CTNNA3: variants seen among roughly 807,000 people sequenced by gnomAD.
CTNNA3 encodes catenin alpha-3.
In CTNNA3, 76 loss-of-function variants were observed where a neutral mutation model predicts 95.7. That is an observed-to-expected ratio of 0.79 (90% CI 0.66 to 0.96). The LOEUF (loss-of-function observed/expected upper bound fraction) is 0.96. CTNNA3 is among the 40% of genes least tolerant of loss of function. CTNNA3 has a pLI of 0.00. For missense variants in CTNNA3, 1,191 were observed against 1,089.8 expected, an observed-to-expected ratio of 1.09 and a Z score of -1.31; for synonymous variants, 431 against 374.4, an observed-to-expected ratio of 1.15 and a Z score of -1.74.
intron 15 of CTNNA3, among the ~76,000 whole-genome samples, chr10:65,991,502 CT>C (rs796412270): frequency 7.3e-4 from 109 of 150,018 alleles, no homozygotes; most frequent in Non-Finnish European, 1.1e-3. Flanking sequence ...TATTCCTAGG[CT>C]TTTTTTTTGT....
intron 7 of CTNNA3, among the ~76,000 whole-genome samples, chr10:66,979,914 CTGCTT>C (rs1402632592): frequency 6.6e-6 from 1 of 152,126 alleles, no homozygotes. Flanking sequence ...TTGTTGTGTT[CTGCTT>C]TGCTTTACTT....
chr10:66,439,199 T>A (rs4603198), intron 11 of CTNNA3, among the ~76,000 whole-genome samples: 17,834 of 152,172 alleles, frequency 0.12, 1,516 homozygotes, highest in African/African-American at 0.24. Context: ...TAATTATAAC[T>A]TTATAAGATA....
intron 5 of CTNNA3, among the ~76,000 whole-genome samples, chr10:67,434,136 T>C (rs1050614620): frequency 1.3e-5 from 2 of 152,190 alleles, no homozygotes; most frequent in African/African-American, 4.8e-5. Context: ...TTTTTTAATA[T>C]ATTCCTAAAA....
intron 5 of CTNNA3, among the ~76,000 whole-genome samples, chr10:67,408,477 G>C (rs781612514): frequency 6.6e-6 from 1 of 151,842 alleles, no homozygotes; most frequent in Non-Finnish European, 1.5e-5. Flanking sequence ...CAAAAATGAG[G>C]AATGGGGAAA....
At chr10:66,765,731 T>A (rs1446793577) in intron 9 of CTNNA3, among the ~76,000 whole-genome samples, 1 of 152,086 alleles carries the variant, frequency 6.6e-6, no homozygotes, top group Non-Finnish European at 1.5e-5. Flanking sequence ...TGCATTCCCA[T>A]GTCTCTAGTT....
At chr10:66,576,367 A>G (rs1391449886) in intron 10 of CTNNA3, among the ~76,000 whole-genome samples, 1 of 152,056 alleles carries the variant, frequency 6.6e-6, no homozygotes, top group South Asian at 2.1e-4. Flanking sequence ...TTACACATAC[A>G]GGCTTGTTAC....
chr10:66,486,470 G>A (rs1334489972), intron 11 of CTNNA3, among the ~76,000 whole-genome samples: 2 of 152,004 alleles, frequency 1.3e-5, no homozygotes, highest in Non-Finnish European at 1.5e-5. Context: ...ATTAAGGAAA[G>A]GCAGATCAAA....
chr10:66,633,508 G>A lies in CTNNA3; in HGVS notation c.1282-11724C>T, dbSNP rs550438855. On this transcript the variant is annotated intron_variant, in intron 9 of 17. Transcript: ENST00000433211. ...ATCCTGGCTAACATGGTGAAACCCC[G>A]TCTCTACTAAAAATACAAAAAATTA... is the stretch of plus-strand genomic sequence containing the variant. 5.6e-3 allele frequency among the ~76,000 whole-genome samples: 856 copies of A among 151,920 alleles called. 6 individuals are homozygous for A. The highest frequency in any genetic ancestry group is 0.016 in the African/African-American group (674 of 41,434).
intron 5 of CTNNA3, among the ~76,000 whole-genome samples, chr10:67,395,923 A>G (rs1844690170): frequency 6.6e-6 from 1 of 152,164 alleles, no homozygotes; most frequent in Admixed American, 6.6e-5. Flanking sequence ...TCCATTTCAG[A>G]GCTCTTTCCA....
At chr10:66,015,918 G>A (rs1343146517) in intron 15 of CTNNA3, among the ~76,000 whole-genome samples, 2 of 152,086 alleles carry the variant, frequency 1.3e-5, no homozygotes, top group Non-Finnish European at 2.9e-5. Flanking sequence ...AATTTAGCAA[G>A]TATGATACTA....
chr10:67,697,975 C>T (rs1331584643), upstream of CTNNA3, among the ~76,000 whole-genome samples: 1 of 152,100 alleles, frequency 6.6e-6, no homozygotes, highest in Admixed American at 6.5e-5. Context: ...GAGACAAAAG[C>T]AGAGAAATCT....
chr10:66,805,939 A>T (rs999166196), intron 7 of CTNNA3, among the ~76,000 whole-genome samples: 1 of 152,076 alleles, frequency 6.6e-6, no homozygotes, highest in Admixed American at 6.6e-5. Flanking sequence ...AAGTTTTTTC[A>T]GCTTTCACAT....
chr10:67,743,012 A>G (rs1479246185), intron 1 of CTNNA3, among the ~76,000 whole-genome samples: 2 of 151,412 alleles, frequency 1.3e-5, no homozygotes, highest in Non-Finnish European at 3.0e-5. Flanking sequence ...AATAATCAAT[A>G]GCTTACCAAC....
At chr10:67,485,963 C>T (rs1474294999) in intron 5 of CTNNA3, among the ~76,000 whole-genome samples, 2 of 152,088 alleles carry the variant, frequency 1.3e-5, no homozygotes, top group East Asian at 1.9e-4. Flanking sequence ...TAAATAATGC[C>T]GTATCTTCTG....
intron 5 of CTNNA3, among the ~76,000 whole-genome samples, chr10:67,500,033 A>G (rs1839178028): frequency 6.6e-6 from 1 of 151,788 alleles, no homozygotes; most frequent in Non-Finnish European, 1.5e-5. Flanking sequence ...TAGGGTGTCA[A>G]TTTTAGATCT....
In CTNNA3 at chr10:66,421,897, G is replaced by GAT. The variant is rs35513829; in HGVS notation, c.1532-42547_1532-42546dup. Among the ~76,000 whole-genome samples the GAT allele has an allele frequency of 1.8e-3, 198 of 108,136 alleles. 13 individuals carry two copies. The highest frequency in any genetic ancestry group is 4.0e-3 in the South Asian group (12 of 2,974). 70.9% of individuals were successfully genotyped at this position (108,136 alleles called of 152,430 possible). ...TTTCTAAGAGCTTCATAATAAATGTGATATATATATATATATATACACACA... is the reference window on the plus strand; with the variant it reads ...TTTCTAAGAGCTTCATAATAAATGTGATATATATATATATATATATACACACA... On this transcript the variant is annotated intron_variant, in intron 11 of 17. Coordinates refer to ENST00000433211, the MANE Select transcript of CTNNA3 (RefSeq NM_013266.4).
chr10:67,175,071 CAAAAAA>C (rs11453660), intron 7 of CTNNA3, among the ~76,000 whole-genome samples: 32 of 66,272 alleles, frequency 4.8e-4, no homozygotes, highest in African/African-American at 1.2e-3. Context: ...CAGTCCATGC[CAAAAAA>C]AAAAAAAAAG....
intron 16 of CTNNA3, among the ~76,000 whole-genome samples, chr10:65,971,001 T>A (rs1330036470): frequency 3.3e-5 from 5 of 151,266 alleles, no homozygotes; most frequent in East Asian, 3.9e-4. Flanking sequence ...TTTTTTTTTT[T>A]AATAAATTAG....
chr10:66,779,551 TG>T lies in CTNNA3; in HGVS notation c.1048-4028del, dbSNP rs555949605. Among the ~76,000 whole-genome samples, 289 of 151,456 alleles carry T rather than the reference TG, an allele frequency of 1.9e-3. 4 individuals are homozygous for T. Among genetic ancestry groups the T allele is most frequent in the African/African-American group, 6.7e-3 (276 of 41,308 alleles). On this transcript the variant is annotated intron_variant, in intron 7 of 17. Coordinates refer to ENST00000433211, the MANE Select transcript of CTNNA3 (RefSeq NM_013266.4). ...TTTTTTTTTGTACTTTTAGTAGAGGTGGGTTTTCACCATGTCAGCCAGGCTG... is the reference window on the plus strand; with the variant it reads ...TTTTTTTTTGTACTTTTAGTAGAGGTGGTTTTCACCATGTCAGCCAGGCTG...
Sources: allele counts gnomAD v4.1 joint callset (sites outside exome capture counted in the v4.1 genomes callset), GRCh38; gene constraint gnomAD v4.1.1; transcripts MANE v1.5; gene names NCBI Gene and HGNC (gene_info 2026-07-23, HGNC 2026-07-21).